DMTN: variants seen among roughly 807,000 people sequenced by gnomAD.
DMTN encodes dematin.
In DMTN, 27 loss-of-function variants were observed where a neutral mutation model predicts 59.4. The ratio of observed to expected loss-of-function variants is 0.45; its 90% confidence interval spans 0.33 to 0.63. The LOEUF (loss-of-function observed/expected upper bound fraction) is 0.63. Among genes scored for constraint, DMTN ranks in the 20% least tolerant of loss-of-function variants. The pLI, the probability that DMTN is intolerant of heterozygous loss-of-function variation, is 0.02. For missense variants in DMTN, 451 were observed against 528.9 expected (o/e 0.85, Z 1.45); for synonymous variants, 221 against 203.7 (o/e 1.08, Z -0.72).
chr8:22,069,787 C>T lies in DMTN; in HGVS notation c.395-94C>T, dbSNP rs901457962. 18 of 1,436,780 alleles carry T rather than the reference C, an allele frequency of 1.3e-5. No individual in the cohort carries two copies. The African/African-American group carries it at 2.4e-4, about 19-fold the overall frequency. 89.0% of individuals were successfully genotyped at this position (1,436,780 alleles called of 1,614,324 possible). A position where few individuals can be genotyped will look rare whatever the true frequency, so the allele number is the denominator to read the frequency against. On this transcript the variant is annotated intron_variant, in intron 6 of 15. Transcript: ENST00000358242. ...GGCTCTTGACAGGGGCCAGTGAGTT[C>T]CCCACCTTGTCCCGTTCCATCATCT...
chr8:22,055,161 C>G (rs1563378807), upstream of DMTN, among the ~76,000 whole-genome samples: 1 of 152,136 alleles, frequency 6.6e-6, no homozygotes, highest in Non-Finnish European at 1.5e-5. Flanking sequence ...GTTCCAGGCC[C>G]CTGGCCACAG....
chr8:22,069,852 C>A, intron 6 of DMTN, 29 bp from the exon 7 acceptor site: 3 of 1,612,202 alleles, frequency 1.9e-6, no homozygotes, highest in Admixed American at 1.7e-5. Flanking sequence ...TCAGCATGTC[C>A]TCCTCCTCAT....
rs1807792151 is a variant in DMTN at position 22,063,006 on chromosome 8, C to T, written c.-171-3699C>T. On this transcript the variant is annotated intron_variant, in intron 1 of 15. Coordinates refer to ENST00000358242, the MANE Select transcript of DMTN (RefSeq NM_001387751.1). ...CAGGATGCTGTTTTTAACCTTCTTT[C>T]TCCCTTGGCAATCTCATGTTTGAAC... 2.0e-5 allele frequency among the ~76,000 whole-genome samples: 3 copies of T among 152,242 alleles called. No individual in the cohort carries two copies. In the South Asian group the frequency reaches 6.2e-4, roughly 32 times the overall value.
At chr8:22,063,086 G>A (rs961732759) in intron 1 of DMTN, among the ~76,000 whole-genome samples, 14 of 152,050 alleles carry the variant, frequency 9.2e-5, no homozygotes, top group Non-Finnish European at 1.3e-4. Context: ...GGCCTCTTCC[G>A]TAGGTTCCTT....
upstream of DMTN, among the ~76,000 whole-genome samples, chr8:22,051,554 G>A (rs143581734): frequency 3.3e-4 from 50 of 152,030 alleles, no homozygotes; most frequent in African/African-American, 1.2e-3. Context: ...CACCCCCCTC[G>A]GCCTGCCCTC....
upstream of DMTN, among the ~76,000 whole-genome samples, chr8:22,055,847 C>T (rs534939417): frequency 2.0e-5 from 3 of 152,146 alleles, no homozygotes; most frequent in East Asian, 5.8e-4. Flanking sequence ...TCCATTCAGA[C>T]ACCCCAGAGC....
intron 9 of DMTN, among the ~76,000 whole-genome samples, chr8:22,073,415 C>T (rs1817224272): frequency 1.3e-5 from 2 of 151,814 alleles, no homozygotes; most frequent in Non-Finnish European, 2.9e-5. Context: ...CACTTGAGCC[C>T]AGGATTTTGA....
chr8:22,066,016 A>T (rs1380387964), intron 1 of DMTN, among the ~76,000 whole-genome samples: 4 of 151,304 alleles, frequency 2.6e-5, no homozygotes, highest in East Asian at 2.0e-4. Context: ...AATTTTTAAA[A>T]TTTTTTCTGT....
rs565227768 is a variant in DMTN, at chr8:22,056,817, C to T, written c.-491C>T. ...GCCCGCCCGCCCTCCCGCCCCCAGA[C>T]GAGGACTCCCCAGCACCGGGGGATC... is the stretch of plus-strand genomic sequence containing the variant. On this transcript the variant is annotated 5_prime_UTR_variant, in exon 1 of 16. In the 5' UTR this introduces an upstream ATG that the reference lacks. Coordinates refer to ENST00000358242, the MANE Select transcript of DMTN (RefSeq NM_001387751.1). 16 of 141,448 alleles carry T rather than the reference C, an allele frequency of 1.1e-4. No homozygotes were observed. Among genetic ancestry groups the T allele is most frequent in the South Asian group, 2.3e-4 (1 of 4,302 alleles). The allele number at this position is 141,448 out of a possible 1,614,324, so 8.8% of individuals were successfully genotyped here.
rs191489159 is a variant in DMTN at position 22,060,558 on chromosome 8, C to G, written c.-172+3422C>G. 2.1e-4 allele frequency among the ~76,000 whole-genome samples: 32 copies of G among 152,388 alleles called. No homozygotes were observed. The highest frequency in any genetic ancestry group is 7.7e-4 in the African/African-American group (32 of 41,596). ...ACATTATGCCTTAAGGCTAGGCCCACGTTTACGTGCAAATGCCCCACAAGG... is the reference window on the plus strand; with the variant it reads ...ACATTATGCCTTAAGGCTAGGCCCAGGTTTACGTGCAAATGCCCCACAAGG... On this transcript the variant is annotated intron_variant, in intron 1 of 15. Transcript: ENST00000358242. This position sits in a 1 kb window ranked among gnomAD's most constrained non-coding sequence, Gnocchi z 5.0.
At chr8:22,061,517 C>A (rs1806458493) in intron 1 of DMTN, among the ~76,000 whole-genome samples, 1 of 152,108 alleles carries the variant, frequency 6.6e-6, no homozygotes, top group Non-Finnish European at 1.5e-5. Flanking sequence ...GGCCACTCAC[C>A]TTTCACCTCT....
chr8:22,057,499 G>A (rs998977946), intron 1 of DMTN, among the ~76,000 whole-genome samples: 7 of 152,168 alleles, frequency 4.6e-5, no homozygotes, highest in Non-Finnish European at 8.8e-5. Context: ...ATACTGGCCC[G>A]CTGGCCTCCC....
At chr8:22,067,227 C>G in intron 3 of DMTN, 68 bp downstream of exon 3, 1 of 1,534,528 alleles carries the variant, frequency 6.5e-7, no homozygotes, top group South Asian at 1.1e-5. Flanking sequence ...CCCCTGGCTG[C>G]TAGCGTGCCT....
At chr8:22,073,485 G>A (rs1436995927) in intron 9 of DMTN, among the ~76,000 whole-genome samples, 1 of 151,518 alleles carries the variant, frequency 6.6e-6, no homozygotes, top group African/African-American at 2.4e-5. Flanking sequence ...CAATTAGCTA[G>A]CTGGGTGTGG....
intron 6 of DMTN, among the ~76,000 whole-genome samples, 178 bp from the exon 7 acceptor site, chr8:22,069,703 A>G (rs1366012680): frequency 2.0e-5 from 3 of 152,002 alleles, no homozygotes. Context: ...CCCCAGCCGG[A>G]AAAGTGTAAA....
chr8:22,069,950 C>CATCTATAAGCAGAGAGG lies in DMTN; in HGVS notation c.451+13_451+14insATCTATAAGCAGAGAGG, dbSNP rs762794471. The CATCTATAAGCAGAGAGG allele has an allele frequency of 1.2e-6, 2 of 1,614,024 alleles. No homozygotes were observed. Among genetic ancestry groups the CATCTATAAGCAGAGAGG allele is most frequent in the Non-Finnish European group, 1.7e-6 (2 of 1,179,882 alleles). Reference sequence around the variant, plus strand: ...TATAAGCAGAGAGGTGAGGGCGCCCCTGGCTCACCAGAGCCTGCTTCCGGC... The same window carrying CATCTATAAGCAGAGAGG: ...TATAAGCAGAGAGGTGAGGGCGCCCCATCTATAAGCAGAGAGGTGGCTCACCAGAGCCTGCTTCCGGC... On this transcript the variant is annotated intron_variant, in intron 7 of 15. Transcript: ENST00000358242.
chr8:22,071,456 G>A (rs995142061), intron 8 of DMTN, among the ~76,000 whole-genome samples: 2 of 150,508 alleles, frequency 1.3e-5, no homozygotes, highest in South Asian at 2.1e-4. Context: ...GTGCAGTGGC[G>A]AGATCTCGGC....
chr8:22,080,183 T>G lies in DMTN; in HGVS notation c.839T>G (p.Leu280Trp). The change falls in exon 11 of 16, where the codon TTG becomes TGG. Residue 280 changes from leucine (L) to tryptophan (W), a missense_variant. By Grantham distance (61) the Leu-to-Trp change is moderately conservative (BLOSUM62 -2). Transcript: ENST00000358242. ...LPDRTPFHTS[L>W]HQGTSKSSSL... ...AGGACCTTTTGCTGTCTTCCAGCCT[T>G]GCACCAGGGAACGTCTAAATCTTCC... 1 of 1,614,148 alleles carries G rather than the reference T, an allele frequency of 6.2e-7. No homozygotes were observed. The highest frequency in any genetic ancestry group is 1.1e-5 in the South Asian group (1 of 91,080).
chr8:22,060,713 C>T lies in DMTN; in HGVS notation c.-172+3577C>T, dbSNP rs1805740465. Among the ~76,000 whole-genome samples, 1 of 152,246 alleles carries T rather than the reference C, an allele frequency of 6.6e-6. No homozygotes were observed. On this transcript the variant is annotated intron_variant, in intron 1 of 15. Coordinates refer to ENST00000358242, the MANE Select transcript of DMTN (RefSeq NM_001387751.1). The surrounding 1 kb of genome is among the most constrained non-coding windows in gnomAD (Gnocchi z 5.0). ...GGAAGCAGACCCAGATGCTAAAGCG[C>T]AAGACCCAGCAGTGGGGTTGTGGGC...
Sources: gnomAD v4.1 joint callset for allele counts (sites outside exome capture counted in the v4.1 genomes callset) on GRCh38, gnomAD v4.1.1 for gene constraint, Gnocchi (gnomAD v3.1) non-coding constraint, MANE v1.5 for transcripts, NCBI Gene and HGNC (gene_info 2026-07-23, HGNC 2026-07-21) for gene names.